Variants in ZNF322 observed in about 807,000 individuals in gnomAD.
The protein encoded by ZNF322 is HLA complex group 12.
Under a neutral mutation model 18.3 loss-of-function variants are expected in ZNF322, and 1 was observed. The ratio of observed to expected loss-of-function variants is 0.05; its 90% confidence interval spans 0.02 to 0.26. The LOEUF (loss-of-function observed/expected upper bound fraction) is 0.26, where lower values mean the gene tolerates loss of function less well. ZNF322 is among the 10% of genes least tolerant of loss of function. The probability of loss-of-function intolerance (pLI) is 1.00; values close to 1 mark genes in which losing one functional copy is unlikely to be tolerated. For missense variants in ZNF322, 36 were observed against 403.6 expected, an observed-to-expected ratio of 0.09 and a Z score of 7.80; for synonymous variants, 17 against 130.7, an observed-to-expected ratio of 0.13 and a Z score of 5.93.
intron 2 of ZNF322, among the ~76,000 whole-genome samples, chr6:26,646,344 G>T (rs563351245): frequency 2.7e-4 from 41 of 152,062 alleles, no homozygotes; most frequent in Non-Finnish European, 5.3e-4. Context: ...ATTCAGGCAG[G>T]CTAAAAATAA....
At chr6:26,649,655 GTGTGTGTGTGTGTGTGTGTGTATATA>G (rs1765619084) in intron 2 of ZNF322, among the ~76,000 whole-genome samples, 1 of 42,694 alleles carries the variant, frequency 2.3e-5, no homozygotes, top group African/African-American at 9.7e-5. Context: ...GTGTGTGTGT[GTGTGTGTGTGTGTGTGTGTGTATATA>G]TATATATATA....
intron 2 of ZNF322, among the ~76,000 whole-genome samples, chr6:26,649,138 G>T (rs1554148930): frequency 6.6e-6 from 1 of 152,150 alleles, no homozygotes; most frequent in Non-Finnish European, 1.5e-5. Context: ...TGCTACTCAA[G>T]TTCACTTTGA....
At position 26,638,430 on chromosome 6, in the gene ZNF322, T is replaced by G. The variant is rs549602106; in HGVS notation, c.124A>C (p.Ile42Leu). Reference protein sequence around the residue: ...MHEIIQIDGHIYQCLECKQNF... With the variant: ...MHEIIQIDGHLYQCLECKQNF... Reference sequence around the variant, plus strand: ...TGCTTGCATTCAAGGCACTGGTATATATGACCATCTATCTGAATAATCTCA... The same window carrying G: ...TGCTTGCATTCAAGGCACTGGTATAGATGACCATCTATCTGAATAATCTCA... The change falls in exon 4 of 4, where the codon ATA becomes CTA. Residue 42 changes from isoleucine (I) to leucine (L), a missense_variant. By Grantham distance (5) the Ile-to-Leu change is conservative (BLOSUM62 2). Coordinates refer to ENST00000415922, the MANE Select transcript of ZNF322 (RefSeq NM_024639.5). The G allele has an allele frequency of 5.0e-6, 8 of 1,613,906 alleles. No individual in the cohort carries two copies. The highest frequency in any genetic ancestry group is 6.8e-6 in the Non-Finnish European group (8 of 1,179,788).
At chr6:26,647,955 T>C (rs1457484284) in intron 2 of ZNF322, among the ~76,000 whole-genome samples, 3 of 151,872 alleles carry the variant, frequency 2.0e-5, no homozygotes, top group African/African-American at 7.3e-5. Flanking sequence ...CATAGCCCAC[T>C]GTAGCCTCAA....
chr6:26,645,008 C>G (rs1554148594), intron 2 of ZNF322, among the ~76,000 whole-genome samples: 1 of 152,116 alleles, frequency 6.6e-6, no homozygotes, highest in East Asian at 1.9e-4. Flanking sequence ...TGTTCCCCTC[C>G]CTGTGTCTAA....
chr6:26,642,590 C>T (rs1354950030), intron 3 of ZNF322, among the ~76,000 whole-genome samples: 1 of 152,160 alleles, frequency 6.6e-6, no homozygotes, highest in African/African-American at 2.4e-5. Context: ...GTGACTTTCA[C>T]GGTATCACAG....
intron 3 of ZNF322, 66 bp from the exon 4 acceptor site, chr6:26,638,794 A>C: frequency 1.7e-6 from 1 of 583,702 alleles, no homozygotes; most frequent in Non-Finnish European, 2.7e-6. Context: ...CAAAATTAAA[A>C]TCACTGCAGA....
At chr6:26,650,811 T>A (rs1469235384) in intron 2 of ZNF322, among the ~76,000 whole-genome samples, 2 of 152,222 alleles carry the variant, frequency 1.3e-5, no homozygotes, top group Admixed American at 6.5e-5. Context: ...GGAGGGATAT[T>A]CCACATCCAT....
At chr6:26,652,140 T>C (rs1554149253) in intron 2 of ZNF322, among the ~76,000 whole-genome samples, 1 of 152,142 alleles carries the variant, frequency 6.6e-6, no homozygotes, top group African/African-American at 2.4e-5. Context: ...GTGCTGGCAA[T>C]GACTTTTTAG....
At chr6:26,646,313 A>G (rs904543928) in intron 2 of ZNF322, among the ~76,000 whole-genome samples, 2 of 152,130 alleles carry the variant, frequency 1.3e-5, no homozygotes, top group Non-Finnish European at 2.9e-5. Context: ...GCTAAATACA[A>G]GAGACACCTA....
Position 26,638,663 on chromosome 6 carries a change from T to C in ZNF322, c.-110A>G, listed in dbSNP as rs1765410796. ...GGAAGATACATCTGTTTCAGGCCTT[T>C]CAATCATGAGCCTCTACAAGTTTCC... On this transcript the variant is annotated 5_prime_UTR_variant, in exon 4 of 4. Coordinates refer to ENST00000415922, the MANE Select transcript of ZNF322 (RefSeq NM_024639.5). 1.2e-6 allele frequency: 1 copy of C among 814,842 alleles called. No homozygotes were observed. The highest frequency in any genetic ancestry group is 1.8e-5 in the South Asian group (1 of 55,980). 50.5% of individuals were successfully genotyped at this position (814,842 alleles called of 1,614,324 possible).
intron 3 of ZNF322, among the ~76,000 whole-genome samples, chr6:26,640,051 CTTCG>C (rs1765440294): frequency 1.3e-5 from 2 of 152,220 alleles, no homozygotes; most frequent in Admixed American, 6.5e-5. Flanking sequence ...CAATTTATTC[CTTCG>C]TATTGGACCA....
intron 2 of ZNF322, among the ~76,000 whole-genome samples, chr6:26,648,956 T>C (rs1269256276): frequency 6.6e-6 from 1 of 151,996 alleles, no homozygotes; most frequent in Non-Finnish European, 1.5e-5. Context: ...AATTCTGGCC[T>C]GCCACCTGTT....
intron 3 of ZNF322, among the ~76,000 whole-genome samples, chr6:26,641,294 G>C (rs1765461570): frequency 1.3e-5 from 2 of 152,186 alleles, no homozygotes; most frequent in Admixed American, 6.5e-5. Context: ...ACTGAATGAG[G>C]TGGGAGTAGT....
chr6:26,644,399 A>G (rs1382485497), intron 2 of ZNF322, among the ~76,000 whole-genome samples: 1 of 152,230 alleles, frequency 6.6e-6, no homozygotes, highest in African/African-American at 2.4e-5. Context: ...CAGGCAACAT[A>G]TAGGGCCATA....
intron 2 of ZNF322, among the ~76,000 whole-genome samples, chr6:26,649,406 T>G (rs1161106997): frequency 6.6e-6 from 1 of 151,976 alleles, no homozygotes; most frequent in Non-Finnish European, 1.5e-5. Flanking sequence ...AACATCAAGG[T>G]AGCCACATGA....
At chr6:26,655,267 A>G (rs1765747850) in intron 2 of ZNF322, among the ~76,000 whole-genome samples, 1 of 152,216 alleles carries the variant, frequency 6.6e-6, no homozygotes, top group Admixed American at 6.5e-5. Flanking sequence ...AAGTTTGAAT[A>G]AGGTCTGGAG....
At position 26,653,291 on chromosome 6, in the gene ZNF322, A is replaced by G. The variant is rs113059547; in HGVS notation, c.-246+5267T>C. Among the ~76,000 whole-genome samples, 1,331 of 152,288 alleles carry G rather than the reference A, an allele frequency of 8.7e-3. 8 individuals are homozygous for G. The highest frequency in any genetic ancestry group is 0.02 in the African/African-American group (816 of 41,562). ...GCTGGAGGGAATGCATATGGGTACA[A>G]TCTCGTCCGGAGGGGAATGTGGCAA... On this transcript the variant is annotated intron_variant, in intron 2 of 3. Coordinates refer to ENST00000415922, the MANE Select transcript of ZNF322 (RefSeq NM_024639.5).
chr6:26,655,559 A>G (rs1765754340), intron 2 of ZNF322, among the ~76,000 whole-genome samples: 1 of 152,170 alleles, frequency 6.6e-6, no homozygotes, highest in South Asian at 2.1e-4. Flanking sequence ...CATGTCTACA[A>G]TTTATTCTCA....
Sources: gnomAD v4.1 joint callset for allele counts (sites outside exome capture counted in the v4.1 genomes callset) on GRCh38, gnomAD v4.1.1 for gene constraint, MANE v1.5 for transcripts, NCBI Gene and HGNC (gene_info 2026-07-23, HGNC 2026-07-21) for gene names.